Variants in ERC1 observed in about 807,000 individuals in gnomAD.
ERC1 encodes RAB6 interacting protein 2.
ERC1 carries 56 observed loss-of-function variants against 132.0 expected under a neutral mutation model. The ratio of observed to expected loss-of-function variants is 0.42; its 90% CI spans 0.34 to 0.53. ERC1 has a LOEUF of 0.53. ERC1 is among the 20% of genes least tolerant of loss of function. The pLI is 0.03. For synonymous variants in ERC1, 478 were observed against 476.1 expected (o/e 1.00, Z -0.05); for missense variants, 1,202 against 1,349.9 (o/e 0.89, Z 1.72).
chr12:1,083,116 T>G, intron 2 of ERC1, 48 bp from the exon 3 acceptor site: 5 of 1,525,930 alleles, frequency 3.3e-6, no homozygotes, highest in Non-Finnish European at 4.4e-6. Flanking sequence ...GATTTGCTAC[T>G]TGAGGAGGAA....
intron 8 of ERC1, among the ~76,000 whole-genome samples, chr12:1,153,777 C>G (rs1343345012): frequency 1.3e-5 from 2 of 152,216 alleles, no homozygotes; most frequent in Non-Finnish European, 1.5e-5. Flanking sequence ...CTGGGCCCTC[C>G]TTTCTTCACA....
chr12:1,398,435 T>C (rs1413144661), intron 16 of ERC1, among the ~76,000 whole-genome samples: 1 of 152,180 alleles, frequency 6.6e-6, no homozygotes, highest in Non-Finnish European at 1.5e-5. Flanking sequence ...GAAAAAAATA[T>C]AAAGTATAAA....
At chr12:1,382,762 C>T (rs1324473091) in intron 16 of ERC1, among the ~76,000 whole-genome samples, 1 of 152,060 alleles carries the variant, frequency 6.6e-6, no homozygotes, top group Non-Finnish European at 1.5e-5. Flanking sequence ...CATAAGAAAA[C>T]GTGTGTAAAG....
intron 15 of ERC1, among the ~76,000 whole-genome samples, chr12:1,314,761 A>G (rs532389946): frequency 1.3e-5 from 2 of 152,326 alleles, no homozygotes; most frequent in South Asian, 2.1e-4. Flanking sequence ...TTTACCTTAT[A>G]TTAGGAAGAT....
intron 5 of ERC1, among the ~76,000 whole-genome samples, chr12:1,111,499 C>T (rs953875013): frequency 2.0e-5 from 3 of 152,148 alleles, no homozygotes; most frequent in Admixed American, 1.3e-4. Context: ...GGTGCCCATA[C>T]CTGGCATATA....
At chr12:1,141,876 T>A (rs1274891174) in intron 8 of ERC1, 89 bp downstream of exon 8, 5 of 1,088,382 alleles carry the variant, frequency 4.6e-6, no homozygotes, top group Admixed American at 3.3e-5. Context: ...TGTCAGAGTT[T>A]CTTGCTCATT....
chr12:1,155,864 A>T (rs1320228271), intron 8 of ERC1, among the ~76,000 whole-genome samples: 2 of 76,324 alleles, frequency 2.6e-5, no homozygotes, highest in East Asian at 4.4e-4. Flanking sequence ...TGTTCAAGGT[A>T]AAAAAAAAAT....
chr12:1,444,744 G>A lies in ERC1; in HGVS notation c.3207G>A (p.Arg1069=). ...AGAATGAGCTGCAGAAGATGACCCG[G>A]GGGCAGGTGAGCCTCTCACTCAAAC... The part of the protein sequence containing the change: ...AWENELQKMT[R]GQLQDELEKG... The change falls in exon 18 of 19, where the codon CGG becomes CGA. Residue 1069 remains arginine, a synonymous_variant. Transcript: ENST00000360905. 1 of 1,613,488 alleles carries A rather than the reference G, an allele frequency of 6.2e-7. No individual in the cohort carries two copies. The highest frequency in any genetic ancestry group is 8.5e-7 in the Non-Finnish European group (1 of 1,179,834).
intron 8 of ERC1, among the ~76,000 whole-genome samples, chr12:1,166,954 CAT>C (rs1952486773): frequency 6.6e-6 from 1 of 152,196 alleles, no homozygotes; most frequent in Non-Finnish European, 1.5e-5. Flanking sequence ...ACTCATTAAA[CAT>C]TATTTCTTTG....
intron 17 of ERC1, among the ~76,000 whole-genome samples, chr12:1,418,589 CTCTTTCTTTCTTTCTTTCTT>C (rs71055147): frequency 0.018 from 1,875 of 106,946 alleles, 74 homozygotes; most frequent in Admixed American, 0.084. Context: ...TTCTTTCTTT[CTCTTTCTTTCTTTCTTTCTT>C]TCTTTCTTTC....
rs138167513 is a variant in ERC1, at chr12:1,244,283, A to G, written c.2487+7379A>G. ...TCATAGAATAGTAGAATAGCAATTA[A>G]TTATGTCTTCTTATTTTAATCATTT... On this transcript the variant is annotated intron_variant, in intron 13 of 18. Coordinates refer to ENST00000360905, the MANE Select transcript of ERC1 (RefSeq NM_178040.4). 6.4e-3 allele frequency among the ~76,000 whole-genome samples: 980 copies of G among 152,292 alleles called. 11 individuals are homozygous for G. The highest frequency in any genetic ancestry group is 0.023 in the African/African-American group (936 of 41,548).
At chr12:1,116,903 G>C (rs1946516597) in intron 7 of ERC1, among the ~76,000 whole-genome samples, 2 of 152,152 alleles carry the variant, frequency 1.3e-5, no homozygotes, top group African/African-American at 4.8e-5. Context: ...AATCTTGGAA[G>C]ATGATCTAGA....
intron 1 of ERC1, among the ~76,000 whole-genome samples, chr12:1,009,477 A>G (rs1964330098): frequency 6.6e-6 from 1 of 152,128 alleles, no homozygotes; most frequent in South Asian, 2.1e-4. Flanking sequence ...CCCAGCCAAG[A>G]TTTTGACTTT....
chr12:1,068,254 T>A (rs1389454357), intron 2 of ERC1, among the ~76,000 whole-genome samples: 1 of 93,788 alleles, frequency 1.1e-5, no homozygotes, highest in Non-Finnish European at 2.7e-5. Context: ...ATTAAGACTC[T>A]AAGTTTTGGA....
At chr12:1,109,969 A>T (rs1047830545) in intron 4 of ERC1, among the ~76,000 whole-genome samples, 2 of 152,152 alleles carry the variant, frequency 1.3e-5, no homozygotes, top group Non-Finnish European at 2.9e-5. Flanking sequence ...AACTGCTTGA[A>T]CCCAGAGGCA....
rs542402824 is a variant in ERC1 at position 1,485,485 on chromosome 12, G to A, written c.3214-4608G>A. ...CCTAAAGTGCTGGGATTACAGGCGTGAGCCACTGCATCTGGCCATATTTAA... is the reference window on the plus strand; with the variant it reads ...CCTAAAGTGCTGGGATTACAGGCGTAAGCCACTGCATCTGGCCATATTTAA... On this transcript the variant is annotated intron_variant, in intron 18 of 18. Coordinates refer to ENST00000360905, the MANE Select transcript of ERC1 (RefSeq NM_178040.4). 7.2e-5 allele frequency among the ~76,000 whole-genome samples: 11 copies of A among 152,304 alleles called. No homozygotes were observed. In the East Asian group the frequency reaches 1.3e-3, roughly 19 times the overall value.
chr12:1,027,189 G>A (rs1048698186), intron 1 of ERC1, among the ~76,000 whole-genome samples: 3 of 152,090 alleles, frequency 2.0e-5, no homozygotes, highest in Non-Finnish European at 4.4e-5. Flanking sequence ...ATTAAAAACT[G>A]CATTTTCTAG....
chr12:1,079,660 A>G (rs1327232487), intron 2 of ERC1, among the ~76,000 whole-genome samples: 1 of 104,368 alleles, frequency 9.6e-6, no homozygotes, highest in Non-Finnish European at 2.1e-5. Flanking sequence ...TAATATGACA[A>G]AAGTCGATAT....
intron 3 of ERC1, among the ~76,000 whole-genome samples, chr12:1,095,378 C>G (rs926906236): frequency 7.9e-6 from 1 of 126,940 alleles, no homozygotes; most frequent in South Asian, 2.7e-4. Context: ...TGCAGTGAGC[C>G]GAGATTGTGC....
Sources: allele counts gnomAD v4.1 joint callset (sites outside exome capture counted in the v4.1 genomes callset), GRCh38; gene constraint gnomAD v4.1.1; transcripts MANE v1.5; gene names NCBI Gene and HGNC (gene_info 2026-07-23, HGNC 2026-07-21).